The following ZNF90 variants were observed in gnomAD, a reference collection of about 807,000 sequenced individuals.
ZNF90 encodes the protein zinc finger protein 90, also known as zinc finger protein HTF9.
ZNF90 carries 11 observed loss-of-function variants against 12.0 expected under a neutral mutation model. That is an observed-to-expected ratio of 0.92 (90% CI 0.58 to 1.52). The LOEUF (loss-of-function observed/expected upper bound fraction) is 1.52. Among genes scored for constraint, ZNF90 ranks in the 40% most tolerant of loss-of-function variants. The pLI, the probability that ZNF90 is intolerant of heterozygous loss-of-function variation, is 0.00. For synonymous variants in ZNF90, 232 were observed against 240.1 expected (o/e 0.97, Z 0.31); for missense variants, 765 against 711.5 (o/e 1.08, Z -0.86).
chr19:20,107,082 T>C (rs2089046014), intron 3 of ZNF90: 1 of 444,766 alleles, frequency 2.2e-6, no homozygotes, highest in African/African-American at 2.0e-5. Flanking sequence ...CAGCATTTCC[T>C]CAGGTAACTG....
chr19:20,086,218 C>T (rs929759020), intron 1 of ZNF90, among the ~76,000 whole-genome samples: 1 of 148,262 alleles, frequency 6.7e-6, no homozygotes, highest in East Asian at 2.0e-4. Flanking sequence ...ATAAATTAAA[C>T]AGTATTTTCT....
intron 3 of ZNF90, among the ~76,000 whole-genome samples, chr19:20,116,979 TA>T (rs35276420): frequency 0.17 from 23,099 of 135,058 alleles, 2,421 homozygotes; most frequent in East Asian, 0.52. Flanking sequence ...TGTTTTTCTT[TA>T]AAAAAAAAAA....
chr19:20,092,528 G>A (rs1421601112), intron 1 of ZNF90, among the ~76,000 whole-genome samples: 2 of 152,180 alleles, frequency 1.3e-5, no homozygotes, highest in Non-Finnish European at 2.9e-5. Context: ...GGAATGGAAA[G>A]AGGAGTGGGG....
chr19:20,085,403 G>A (rs1269627021), intron 1 of ZNF90, among the ~76,000 whole-genome samples: 1 of 151,868 alleles, frequency 6.6e-6, no homozygotes, highest in African/African-American at 2.4e-5. Context: ...GGGACTACAG[G>A]TGCCTGCCAC....
chr19:20,086,232 C>CT (rs59433953), intron 1 of ZNF90, among the ~76,000 whole-genome samples: 1,627 of 99,678 alleles, frequency 0.016, 32 homozygotes, highest in African/African-American at 0.034. Context: ...ATTTTCTTTT[C>CT]TTTTTTTTTT....
chr19:20,097,591 A>T (rs1445571875), intron 1 of ZNF90, among the ~76,000 whole-genome samples: 2 of 152,146 alleles, frequency 1.3e-5, no homozygotes, highest in Non-Finnish European at 2.9e-5. Flanking sequence ...TAGATAAGAG[A>T]TTCTCCACTT....
At chr19:20,113,178 ATT>A (rs555002168) in intron 3 of ZNF90, among the ~76,000 whole-genome samples, 1 of 148,104 alleles carries the variant, frequency 6.8e-6, no homozygotes, top group African/African-American at 2.5e-5. Flanking sequence ...ACGGTTTTTT[ATT>A]TTTTTTTCTT....
chr19:20,117,815 A>G lies in ZNF90; in HGVS notation c.261A>G (p.Pro87=). 1 of 1,575,022 alleles carries G rather than the reference A, an allele frequency of 6.3e-7. No homozygotes were observed. The highest frequency in any genetic ancestry group is 8.6e-7 in the Non-Finnish European group (1 of 1,164,528). ...TTCATTTTGCCCAAGACCTTTGTCC[A>G]GAGCAGAGCCTAAAAGATTCCTTCC... ...MCFHFAQDLC[P]EQSLKDSFQK... The change falls in exon 4 of 4, where the codon CCA becomes CCG. Residue 87 remains proline (P), a synonymous_variant. Transcript: ENST00000418063.
rs2089011839 is a variant in ZNF90, at chr19:20,104,232, T to G, written c.4-7T>G. 3 of 1,613,546 alleles carry G rather than the reference T, an allele frequency of 1.9e-6. No homozygotes were observed. The South Asian group carries it at 3.3e-5, about 18-fold the overall frequency. The stretch of plus-strand genomic sequence containing the variant: ...AAAATGTGTGTGTGTATATGTGTGT[T>G]TTTCAGGGACCATTGGAATTTAGAG... On this transcript the variant is annotated splice_polypyrimidine_tract_variant and splice_region_variant and intron_variant, in intron 1 of 3. Transcript: ENST00000418063.
chr19:20,108,459 G>A (rs1434653131), intron 3 of ZNF90, among the ~76,000 whole-genome samples: 1 of 151,976 alleles, frequency 6.6e-6, no homozygotes, highest in Non-Finnish European at 1.5e-5. Flanking sequence ...ACAGGCACTT[G>A]CCACCACTCC....
At chr19:20,082,252 T>C (rs1432199461) in intron 1 of ZNF90, among the ~76,000 whole-genome samples, 1 of 152,186 alleles carries the variant, frequency 6.6e-6, no homozygotes. Context: ...GGTCTCAGTG[T>C]CTGTTATTCT....
chr19:20,088,813 G>T (rs957193573), intron 1 of ZNF90, among the ~76,000 whole-genome samples: 3 of 152,202 alleles, frequency 2.0e-5, no homozygotes, highest in African/African-American at 7.2e-5. Flanking sequence ...AGGTTGAAAT[G>T]CCTGCTATTC....
chr19:20,080,374 C>T (rs2088810801), intron 1 of ZNF90: 6 of 429,994 alleles, frequency 1.4e-5, no homozygotes, highest in Admixed American at 6.1e-5. Context: ...CTCAGGGCAC[C>T]GTATTTCTTC....
At chr19:20,083,554 C>T (rs926973084) in intron 1 of ZNF90, among the ~76,000 whole-genome samples, 11 of 151,946 alleles carry the variant, frequency 7.2e-5, no homozygotes, top group African/African-American at 1.5e-4. Context: ...CTTAAGCTCC[C>T]GACCTCAGGT....
intron 1 of ZNF90, chr19:20,080,332 T>C (rs1404382054): frequency 1.2e-5 from 6 of 498,458 alleles, no homozygotes; most frequent in East Asian, 1.0e-4. Context: ...AGTACAACAC[T>C]CTGAGCCACA....
chr19:20,119,232 A>G lies in ZNF90; in HGVS notation c.1678A>G (p.Thr560Ala). 6.2e-7 allele frequency: 1 copy of G among 1,613,934 alleles called. No homozygotes were observed. The highest frequency in any genetic ancestry group is 8.5e-7 in the Non-Finnish European group (1 of 1,179,950). ...GCTTACTAGTCATAAGATAAGTCAT[A>G]CTGGAGAGAAACCCTACAAATGTGA... ...SQLTSHKISHTGEKPYKCEEC... is the reference protein window; with the variant it reads ...SQLTSHKISHAGEKPYKCEEC... The change falls in exon 4 of 4, where the codon ACT becomes GCT. Residue 560 changes from threonine (T) to alanine (A), a missense_variant. Thr to Ala is a moderately conservative substitution (Grantham distance 58). Transcript: ENST00000418063.
chr19:20,081,175 A>G (rs1015941981), intron 1 of ZNF90, among the ~76,000 whole-genome samples: 6 of 151,930 alleles, frequency 3.9e-5, no homozygotes, highest in African/African-American at 1.5e-4. Flanking sequence ...CACCTTCAGG[A>G]ACTTCATTAT....
In ZNF90 at chr19:20,119,079, T is replaced by C; in HGVS notation, c.1525T>C (p.Tyr509His). Residue 509 changes from tyrosine (Y) to histidine (H), a missense_variant, in exon 4 of 4, where the codon TAC becomes CAC. Transcript: ENST00000418063. The stretch of plus-strand genomic sequence containing the variant: ...GATAATTCACAGTGGAGAGAATCCC[T>C]ACAAATGTGAAGAATGTGGCAAAGC... ...HKIIHSGENPYKCEECGKAFK... is the reference protein window; with the variant it reads ...HKIIHSGENPHKCEECGKAFK... 6.2e-7 allele frequency: 1 copy of C among 1,612,422 alleles called. No homozygotes were observed.
In ZNF90 at chr19:20,120,431, C is replaced by T. The variant is rs1555706432; in HGVS notation, c.*1071C>T. ...GCACACATTTTGTACTAGAGGAAAA[C>T]CCTGAAGCAGTTGCTCCAGCTTTGT... On this transcript the variant is annotated 3_prime_UTR_variant, in exon 4 of 4. Transcript: ENST00000418063. 6.6e-6 allele frequency among the ~76,000 whole-genome samples: 1 copy of T among 152,092 alleles called. No individual in the cohort carries two copies. The highest frequency in any genetic ancestry group is 1.9e-4 in the East Asian group (1 of 5,190).
Sources: gnomAD v4.1 joint callset for allele counts (sites outside exome capture counted in the v4.1 genomes callset) on GRCh38, gnomAD v4.1.1 for gene constraint, MANE v1.5 for transcripts, NCBI Gene and HGNC (gene_info 2026-07-23, HGNC 2026-07-21) for gene names.